The following ME3 variants were observed in gnomAD, a reference collection of about 807,000 sequenced individuals.
ME3 encodes malic enzyme 3.
Under a neutral mutation model 68.9 loss-of-function variants are expected in ME3, and 48 were observed. The observed-to-expected ratio is 0.70, with a 90% CI of 0.55 to 0.89. ME3 has a LOEUF of 0.89. Ranked by LOEUF, ME3 falls within the 40% of genes least tolerant of loss-of-function variation. The pLI is 0.00. For synonymous variants in ME3, 320 were observed against 318.8 expected (o/e 1.00, Z -0.04); for missense variants, 675 against 797.4 (o/e 0.85, Z 1.85).
intron 2 of ME3, among the ~76,000 whole-genome samples, chr11:86,574,159 T>G (rs112635632): frequency 1.3e-5 from 2 of 152,218 alleles, no homozygotes; most frequent in African/African-American, 4.8e-5. Flanking sequence ...AACACGTACC[T>G]TTAGCTCAAA....
rs1565186336 is a variant in ME3 at position 86,595,333 on chromosome 11, C to CAGAGAGAGAGAGT, written c.184-35511_184-35510insACTCTCTCTCTCT. ...GAGAGAGAGAGAGAGAGAGAGAGAG[C>CAGAGAGAGAGAGT]TTATTATGTATCAGTCACTGGTCCA... is the stretch of plus-strand genomic sequence containing the variant. On this transcript the variant is annotated intron_variant, in intron 2 of 14. Transcript: ENST00000543262. Among the ~76,000 whole-genome samples, 576 of 98,624 alleles carry CAGAGAGAGAGAGT rather than the reference C, an allele frequency of 5.8e-3. 56 individuals carry two copies. Among genetic ancestry groups the CAGAGAGAGAGAGT allele is most frequent in the African/African-American group, 0.023 (526 of 22,892 alleles). 64.7% of individuals were successfully genotyped at this position (98,624 alleles called of 152,430 possible).
intron 2 of ME3, among the ~76,000 whole-genome samples, chr11:86,660,197 G>A (rs960972811): frequency 6.6e-6 from 1 of 152,194 alleles, no homozygotes; most frequent in Admixed American, 6.5e-5. Context: ...CTCCTGTCAA[G>A]TCTGCCAAAA....
chr11:86,534,463 T>C (rs1172281429), intron 4 of ME3, among the ~76,000 whole-genome samples: 1 of 152,086 alleles, frequency 6.6e-6, no homozygotes, highest in Non-Finnish European at 1.5e-5. Flanking sequence ...TCACCTGAGG[T>C]CAGGCATTCG....
chr11:86,630,857 T>A (rs1472901595), intron 2 of ME3, among the ~76,000 whole-genome samples: 1 of 152,024 alleles, frequency 6.6e-6, no homozygotes, highest in African/African-American at 2.4e-5. Context: ...GGGGAGGCAG[T>A]GAAAGTTTGA....
rs1951221633 is a variant in ME3, at chr11:86,478,676, GA to G, written c.809+8660del. 2.6e-5 allele frequency among the ~76,000 whole-genome samples: 4 copies of G among 152,254 alleles called. No individual in the cohort carries two copies. In the South Asian group the frequency reaches 8.3e-4, roughly 32 times the overall value. ...TGGTAATTTTCAAACATTTTTTGCAGAATAATTCTTTAATAAAATATTGAGC... is the reference window on the plus strand; with the variant it reads ...TGGTAATTTTCAAACATTTTTTGCAGATAATTCTTTAATAAAATATTGAGC... On this transcript the variant is annotated intron_variant, in intron 7 of 14. Transcript: ENST00000543262.
intron 4 of ME3, among the ~76,000 whole-genome samples, chr11:86,515,095 T>C (rs1023273005): frequency 6.6e-6 from 1 of 152,098 alleles, no homozygotes; most frequent in Non-Finnish European, 1.5e-5. Context: ...AGGTAGAAAA[T>C]CTTTCATTAT....
In ME3 at chr11:86,525,772, G is replaced by A. The variant is rs879398237; in HGVS notation, c.468-16905C>T. 5.3e-5 allele frequency among the ~76,000 whole-genome samples: 8 copies of A among 149,834 alleles called. No individual in the cohort carries two copies. In the Admixed American group the frequency reaches 5.3e-4, roughly 10 times the overall value. On this transcript the variant is annotated intron_variant, in intron 4 of 14. Coordinates refer to ENST00000543262, the Ensembl canonical transcript of ME3. ...GTTACCGAGGGAGACCGAGGTAAGAGAATTGCTTGAACCCAGGAGGCAGAG... is the reference window on the plus strand; with the variant it reads ...GTTACCGAGGGAGACCGAGGTAAGAAAATTGCTTGAACCCAGGAGGCAGAG...
At chr11:86,644,508 A>T (rs1477678735) in intron 2 of ME3, among the ~76,000 whole-genome samples, 3 of 151,400 alleles carry the variant, frequency 2.0e-5, no homozygotes. Flanking sequence ...TACTCATCAC[A>T]CTCCTATTAG....
intron 5 of ME3, among the ~76,000 whole-genome samples, chr11:86,504,638 C>G (rs990365774): frequency 6.6e-6 from 1 of 151,808 alleles, no homozygotes; most frequent in East Asian, 1.9e-4. Context: ...AGGTGATCTG[C>G]CCACCTCGGC....
chr11:86,506,364 A>G (rs892549742), intron 5 of ME3, among the ~76,000 whole-genome samples: 2 of 152,184 alleles, frequency 1.3e-5, no homozygotes, highest in African/African-American at 2.4e-5. Flanking sequence ...CTAAGGTTCT[A>G]TTTTGAATTT....
At chr11:86,613,257 T>C (rs550887692) in intron 2 of ME3, among the ~76,000 whole-genome samples, 2 of 152,306 alleles carry the variant, frequency 1.3e-5, no homozygotes, top group Non-Finnish European at 1.5e-5. Flanking sequence ...TTCTGTTCCA[T>C]TGATCTATGT....
At chr11:86,537,082 A>G (rs1034550303) in intron 4 of ME3, among the ~76,000 whole-genome samples, 1 of 149,412 alleles carries the variant, frequency 6.7e-6, no homozygotes. Flanking sequence ...TGGGAATTGA[A>G]CAATGAGATC....
intron 3 of ME3, among the ~76,000 whole-genome samples, chr11:86,559,003 A>C: frequency 6.6e-6 from 1 of 152,198 alleles, no homozygotes; most frequent in East Asian, 1.9e-4. Flanking sequence ...AATGAAAAGC[A>C]TAGACTCTGG....
intron 4 of ME3, among the ~76,000 whole-genome samples, chr11:86,539,788 G>A (rs1220339495): frequency 6.6e-6 from 1 of 152,114 alleles, no homozygotes; most frequent in East Asian, 1.9e-4. Context: ...GTCCCCATCA[G>A]TAACCTTCTG....
chr11:86,505,613 C>T (rs1401892063), intron 5 of ME3, among the ~76,000 whole-genome samples: 2 of 152,198 alleles, frequency 1.3e-5, no homozygotes, highest in African/African-American at 4.8e-5. Flanking sequence ...GTGTGGGCTA[C>T]AGCTGCCTCC....
At chr11:86,522,571 C>T (rs982945520) in intron 4 of ME3, among the ~76,000 whole-genome samples, 15 of 151,990 alleles carry the variant, frequency 9.9e-5, no homozygotes, top group African/African-American at 3.4e-4. Flanking sequence ...TGTTATTCCC[C>T]TCCCTGTGTC....
At chr11:86,500,763 C>G (rs1594197672) in intron 5 of ME3, among the ~76,000 whole-genome samples, 1 of 152,208 alleles carries the variant, frequency 6.6e-6, no homozygotes, top group East Asian at 1.9e-4. Context: ...TACCACCTCT[C>G]CATCTCAACC....
At chr11:86,614,776 A>G (rs1011611288) in intron 2 of ME3, among the ~76,000 whole-genome samples, 5 of 152,084 alleles carry the variant, frequency 3.3e-5, no homozygotes, top group African/African-American at 4.8e-5. Flanking sequence ...AAGCTTTTCA[A>G]TATCTTCTCT....
At chr11:86,605,714 A>C (rs1360100924) in intron 2 of ME3, among the ~76,000 whole-genome samples, 1 of 152,154 alleles carries the variant, frequency 6.6e-6, no homozygotes, top group African/African-American at 2.4e-5. Context: ...TCTTTGTAAC[A>C]ACCCTTTAAA....
Sources: allele counts gnomAD v4.1 joint callset (sites outside exome capture counted in the v4.1 genomes callset), GRCh38; gene constraint gnomAD v4.1.1; transcripts MANE v1.5; gene names NCBI Gene and HGNC (gene_info 2026-07-23, HGNC 2026-07-21).